The following ZNF700 variants were observed in gnomAD, a reference collection of about 807,000 sequenced individuals.
The protein encoded by ZNF700 is zinc finger protein 700.
Under a neutral mutation model 65.3 loss-of-function variants are expected in ZNF700, and 38 were observed. The observed-to-expected ratio is 0.58, with a 90% CI of 0.45 to 0.76. ZNF700 has a LOEUF of 0.76. Among genes scored for constraint, ZNF700 ranks in the 30% least tolerant of loss-of-function variants. The pLI is 0.00. For synonymous variants in ZNF700, 285 were observed against 290.4 expected (o/e 0.98, Z 0.19); for missense variants, 857 against 888.4 (o/e 0.96, Z 0.45).
Position 11,948,542 on chromosome 19 carries a change from A to G in ZNF700, c.518A>G (p.Lys173Arg), listed in dbSNP as rs1331778992. The G allele has an allele frequency of 6.2e-7, 1 of 1,610,676 alleles. No individual in the cohort carries two copies. Among genetic ancestry groups the G allele is most frequent in the Admixed American group, 1.7e-5 (1 of 58,854 alleles). Residue 173 changes from lysine to arginine, a missense_variant, in exon 4 of 4, where the codon AAA (lysine) becomes AGA (arginine). By Grantham distance (26) the Lys-to-Arg change is conservative (BLOSUM62 2). Around this residue, in one of 3 missense-constraint regions of ZNF700, gnomAD observed 603 missense variants for 619.9 expected, o/e 0.97. Coordinates refer to ENST00000254321, the MANE Select transcript of ZNF700 (RefSeq NM_144566.3). ...PYKCQQPKNKKAFRYRPSIRT... is the reference protein window; with the variant it reads ...PYKCQQPKNKRAFRYRPSIRT... ...AAGTGTCAACAACCTAAAAATAAGA[A>G]AGCCTTCAGGTATCGCCCATCCATT...
intron 2 of ZNF700, 48 bp from the exon 3 acceptor site, chr19:11,947,466 C>A: frequency 6.2e-7 from 1 of 1,602,386 alleles, no homozygotes; most frequent in African/African-American, 1.3e-5. Flanking sequence ...ATAATTTTTT[C>A]ACAATTTTAT....
At position 11,929,964 on chromosome 19, in the gene ZNF700, G is replaced by A. The variant is rs368409256; in HGVS notation, c.63+4691G>A. Among the ~76,000 whole-genome samples, 33 of 148,220 alleles carry A rather than the reference G, an allele frequency of 2.2e-4. 3 individuals carry two copies. The highest frequency in any genetic ancestry group is 1.9e-3 in the East Asian group (10 of 5,172). ...AACTTTGCAGGGTGATATGTCTTCA[G>A]TACACCCTCCTATCTTTTCCAGATT... On this transcript the variant is annotated intron_variant, in intron 1 of 3. Transcript: ENST00000254321.
rs1053539594 is a variant in ZNF700 at position 11,937,490 on chromosome 19, C to CT, written c.64-9675dup. Among the ~76,000 whole-genome samples the CT allele has an allele frequency of 2.0e-3, 263 of 128,988 alleles. 1 individual carries two copies. Among genetic ancestry groups the CT allele is most frequent in the Non-Finnish European group, 3.6e-3 (220 of 61,456 alleles). 84.6% of individuals were successfully genotyped at this position (128,988 alleles called of 152,430 possible). ...TAGTAGATTTTTCTTTTTTTCTTTC[C>CT]TTTTTTTTTTTTTTTTGAGACAGAG... On this transcript the variant is annotated intron_variant, in intron 1 of 3. Coordinates refer to ENST00000254321, the MANE Select transcript of ZNF700 (RefSeq NM_144566.3).
intron 2 of ZNF700, 24 bp downstream of exon 2, chr19:11,947,331 G>C: frequency 1.9e-6 from 3 of 1,613,130 alleles, no homozygotes; most frequent in Non-Finnish European, 2.5e-6. Flanking sequence ...TATTCCTTCC[G>C]TCAGTGCATT....
At chr19:11,930,948 G>A (rs1407626233) in intron 1 of ZNF700, among the ~76,000 whole-genome samples, 2 of 146,298 alleles carry the variant, frequency 1.4e-5, no homozygotes, top group East Asian at 1.9e-4. Flanking sequence ...GCAGTGAGCC[G>A]AGATTGCGCC....
chr19:11,950,732 A>G lies in ZNF700; in HGVS notation c.*479A>G, dbSNP rs1973055325. 4 of 204,758 alleles carry G rather than the reference A, an allele frequency of 2.0e-5. No individual in the cohort carries two copies. The South Asian group carries it at 3.0e-4, about 15-fold the overall frequency. 12.7% of individuals were successfully genotyped at this position (204,758 alleles called of 1,614,324 possible). A position where few individuals can be genotyped will look rare whatever the true frequency, so the allele number is the denominator to read the frequency against. On this transcript the variant is annotated 3_prime_UTR_variant, in exon 4 of 4. Coordinates refer to ENST00000254321, the MANE Select transcript of ZNF700 (RefSeq NM_144566.3). Reference sequence around the variant, plus strand: ...TGTTATTCTTTTTAAATAAGAAGGTATAATAAAATATCCCATTGGTTTTAT... The same window carrying G: ...TGTTATTCTTTTTAAATAAGAAGGTGTAATAAAATATCCCATTGGTTTTAT...
At position 11,928,942 on chromosome 19, in the gene ZNF700, T is replaced by TA. The variant is rs561024599; in HGVS notation, c.63+3677dup. 6.8e-5 allele frequency among the ~76,000 whole-genome samples: 10 copies of TA among 146,368 alleles called. No individual in the cohort carries two copies. The East Asian group carries it at 1.4e-3, about 20-fold the overall frequency. On this transcript the variant is annotated intron_variant, in intron 1 of 3. Coordinates refer to ENST00000254321, the MANE Select transcript of ZNF700 (RefSeq NM_144566.3). ...TGTGAAAAATCATATTAATATAAGT[T>TA]AAAAAAAATAGTGGAGAGGGAAAGG... is the stretch of plus-strand genomic sequence containing the variant.
At position 11,949,901 on chromosome 19, in the gene ZNF700, G is replaced by A; in HGVS notation, c.1877G>A (p.Gly626Glu). 2 of 1,613,712 alleles carry A rather than the reference G, an allele frequency of 1.2e-6. No homozygotes were observed. The highest frequency in any genetic ancestry group is 1.1e-5 in the South Asian group (1 of 91,052). ...GEKPYECKQC[G>E]KAFRSASNLQ... Reference sequence around the variant, plus strand: ...AAACCCTATGAGTGTAAGCAATGTGGGAAAGCCTTCAGATCTGCCTCAAAC... The same window carrying A: ...AAACCCTATGAGTGTAAGCAATGTGAGAAAGCCTTCAGATCTGCCTCAAAC... The change falls in exon 4 of 4, where the codon GGG becomes GAG. Residue 626 changes from glycine (G) to glutamate (E), a missense_variant. Around this residue, in one of 3 missense-constraint regions of ZNF700, gnomAD observed 251 missense variants for 250.3 expected, o/e 1.00. Coordinates refer to ENST00000254321, the MANE Select transcript of ZNF700 (RefSeq NM_144566.3).
At chr19:11,938,730 G>T (rs1426616617) in intron 1 of ZNF700, among the ~76,000 whole-genome samples, 1 of 152,062 alleles carries the variant, frequency 6.6e-6, no homozygotes, top group African/African-American at 2.4e-5. Flanking sequence ...TAATCCTTTG[G>T]GTATATACCC....
intron 1 of ZNF700, among the ~76,000 whole-genome samples, chr19:11,944,293 C>T (rs1274351331): frequency 2.0e-5 from 3 of 151,064 alleles, no homozygotes; most frequent in African/African-American, 7.4e-5. Context: ...GGGGAATATC[C>T]TGTTTTTCTA....
chr19:11,944,744 G>A (rs1209415763), intron 1 of ZNF700, among the ~76,000 whole-genome samples: 4 of 152,190 alleles, frequency 2.6e-5, no homozygotes, highest in Admixed American at 1.3e-4. Context: ...TATGCCAGCC[G>A]GGACGGTTGG....
At position 11,949,933 on chromosome 19, in the gene ZNF700, A is replaced by T. The variant is rs1444210282; in HGVS notation, c.1909A>T (p.Met637Leu). 19 of 1,613,586 alleles carry T rather than the reference A, an allele frequency of 1.2e-5. No homozygotes were observed. In the Admixed American group the frequency reaches 2.8e-4, roughly 24 times the overall value. ...CTTCAGATCTGCCTCAAACCTTCAG[A>T]TGCATGAAAGGACTCACACTGGAGA... is the stretch of plus-strand genomic sequence containing the variant. ...KAFRSASNLQ[M>L]HERTHTGEKP... Residue 637 changes from methionine to leucine, a missense_variant, in exon 4 of 4, where the codon ATG (methionine) becomes TTG (leucine). Physicochemically the swap from Met to Leu is conservative, Grantham distance 15. This residue lies in a region of ZNF700 where 251 missense variants were observed against 250.3 expected (regional missense o/e 1.00). Transcript: ENST00000254321.
chr19:11,948,621 T>C lies in ZNF700; in HGVS notation c.597T>C (p.Cys199=). 2.5e-6 allele frequency: 4 copies of C among 1,611,524 alleles called. No homozygotes were observed. The highest frequency in any genetic ancestry group is 3.4e-6 in the Non-Finnish European group (4 of 1,179,466). The change falls in exon 4 of 4, where the codon TGT becomes TGC. Residue 199 remains cysteine, a synonymous_variant. Coordinates refer to ENST00000254321, the MANE Select transcript of ZNF700 (RefSeq NM_144566.3). ...TGEKPYACKV[C]GKTFIFHSSI... is the part of the protein sequence containing the mutation. ...AGAAACCCTATGCTTGTAAAGTCTG[T>C]GGAAAAACCTTTATTTTCCATTCAA...
chr19:11,948,461 G>C lies in ZNF700; in HGVS notation c.437G>C (p.Arg146Thr), dbSNP rs1483787961. 6.2e-7 allele frequency: 1 copy of C among 1,614,006 alleles called. No individual in the cohort carries two copies. The highest frequency in any genetic ancestry group is 1.3e-5 in the African/African-American group (1 of 74,906). Residue 146 changes from arginine to threonine, a missense_variant, in exon 4 of 4, where the codon AGA (arginine) becomes ACA (threonine). Coordinates refer to ENST00000254321, the MANE Select transcript of ZNF700 (RefSeq NM_144566.3). ...AACTCATCTTTTAATATGAGCATCAGAGGTGACACTGGACACAAGGCATAT... is the reference window on the plus strand; with the variant it reads ...AACTCATCTTTTAATATGAGCATCACAGGTGACACTGGACACAAGGCATAT... ...IGNSSFNMSIRGDTGHKAYEY... is the reference protein window; with the variant it reads ...IGNSSFNMSITGDTGHKAYEY...
intron 1 of ZNF700, among the ~76,000 whole-genome samples, chr19:11,926,398 T>G (rs1972628278): frequency 6.6e-6 from 1 of 152,168 alleles, no homozygotes; most frequent in Admixed American, 6.5e-5. Flanking sequence ...GAAAGGTACT[T>G]TGTTTTTATT....
chr19:11,949,644 A>C lies in ZNF700; in HGVS notation c.1620A>C (p.Gln540His). ...HTGEKPYECN[Q>H]CGKAFRCCNS... ...GAGAGAAACCCTATGAATGCAACCA[A>C]TGTGGTAAAGCCTTCAGATGTTGCA... Residue 540 changes from glutamine (Q) to histidine (H), a missense_variant, in exon 4 of 4, where the codon CAA becomes CAC. This residue lies in a region of ZNF700 where 251 missense variants were observed against 250.3 expected (regional missense o/e 1.00). Transcript: ENST00000254321. 6.2e-7 allele frequency: 1 copy of C among 1,613,782 alleles called. No homozygotes were observed. The highest frequency in any genetic ancestry group is 8.5e-7 in the Non-Finnish European group (1 of 1,179,966).
chr19:11,931,306 G>A (rs1972710433), intron 1 of ZNF700, among the ~76,000 whole-genome samples: 2 of 148,042 alleles, frequency 1.4e-5, no homozygotes, highest in Middle Eastern at 3.4e-3. Context: ...GCAAATGATC[G>A]TCTTCTTGTG....
chr19:11,945,938 G>A (rs279259), intron 1 of ZNF700, among the ~76,000 whole-genome samples: 8 of 151,892 alleles, frequency 5.3e-5, no homozygotes, highest in Non-Finnish European at 1.2e-4. Context: ...GCCGAGACTC[G>A]TGTGGCTTCG....
intron 1 of ZNF700, among the ~76,000 whole-genome samples, chr19:11,942,287 C>T (rs1568295265): frequency 6.6e-6 from 1 of 151,626 alleles, no homozygotes; most frequent in Non-Finnish European, 1.5e-5. Context: ...ACAATGTCAT[C>T]AAAGATTACA....
Sources: gnomAD v4.1 joint callset for allele counts (sites outside exome capture counted in the v4.1 genomes callset) on GRCh38, gnomAD v4.1.1 for gene constraint, gnomAD v4.1.1 regional missense constraint, MANE v1.5 for transcripts, NCBI Gene and HGNC (gene_info 2026-07-23, HGNC 2026-07-21) for gene names.